The following PRKN variants were observed in gnomAD, a reference collection of about 807,000 sequenced individuals.
PRKN encodes parkin RBR E3 ubiquitin protein ligase.
Under a neutral mutation model 59.5 loss-of-function variants are expected in PRKN, and 56 were observed. That is an observed-to-expected ratio of 0.94 (90% CI 0.76 to 1.18). The LOEUF (loss-of-function observed/expected upper bound fraction) is 1.18. Ranked by LOEUF, PRKN falls within the 50% of genes most tolerant of loss-of-function variation. PRKN has a pLI of 0.00. For synonymous variants in PRKN, 250 were observed against 222.1 expected (o/e 1.13, Z -1.12); for missense variants, 657 against 596.4 (o/e 1.10, Z -1.06).
At chr6:162,449,194 G>A (rs180865338) in intron 1 of PRKN, among the ~76,000 whole-genome samples, 191 of 152,172 alleles carry the variant, frequency 1.3e-3, no homozygotes, top group Middle Eastern at 0.01. Context: ...GCCCTCACTG[G>A]AACTTCAGAT....
intron 5 of PRKN, among the ~76,000 whole-genome samples, chr6:162,005,243 G>A (rs1489679290): frequency 1.3e-5 from 2 of 152,170 alleles, no homozygotes; most frequent in African/African-American, 4.8e-5. Context: ...AGTTTGGTGT[G>A]CATTTGACTC....
chr6:162,127,211 A>G (rs1412724064), intron 4 of PRKN, among the ~76,000 whole-genome samples: 3 of 152,234 alleles, frequency 2.0e-5, no homozygotes, highest in Non-Finnish European at 4.4e-5. Flanking sequence ...TGCAAAGGCA[A>G]GGCACGCTGC....
At chr6:161,968,912 C>T (rs1042300695) in intron 6 of PRKN, among the ~76,000 whole-genome samples, 8 of 152,160 alleles carry the variant, frequency 5.3e-5, no homozygotes, top group Non-Finnish European at 8.8e-5. Flanking sequence ...GTTTTGTAGA[C>T]TTTTTGTATA....
intron 6 of PRKN, among the ~76,000 whole-genome samples, chr6:161,813,688 T>A (rs1791654245): frequency 6.6e-6 from 1 of 152,202 alleles, no homozygotes; most frequent in African/African-American, 2.4e-5. Flanking sequence ...CCCTGATCTC[T>A]GGCTGCCAGC....
chr6:161,681,325 T>C (rs1380990434), intron 7 of PRKN, among the ~76,000 whole-genome samples: 3 of 152,324 alleles, frequency 2.0e-5, no homozygotes, highest in East Asian at 1.9e-4. Context: ...CGTATTTTTG[T>C]CAGCAACTAA....
Position 161,849,494 on chromosome 6 carries a change from C to T in PRKN, c.735-63586G>A, listed in dbSNP as rs3798219. On this transcript the variant is annotated intron_variant, in intron 6 of 11. Coordinates refer to ENST00000366898, the MANE Select transcript of PRKN (RefSeq NM_004562.3). ...TTCAACTTCAGTCTTTTGTGTTTGC[C>T]GAAACCCACCCTGGCCTCACATGTT... 1.1e-4 allele frequency among the ~76,000 whole-genome samples: 17 copies of T among 152,050 alleles called. No homozygotes were observed. The East Asian group carries it at 2.5e-3, about 22-fold the overall frequency.
At chr6:162,481,037 T>C (rs980388908) in intron 1 of PRKN, among the ~76,000 whole-genome samples, 10 of 151,802 alleles carry the variant, frequency 6.6e-5, no homozygotes, top group African/African-American at 2.4e-4. Flanking sequence ...TTGGCCAGCT[T>C]GTCCCAAACT....
intron 9 of PRKN, among the ~76,000 whole-genome samples, chr6:161,512,141 G>A (rs930012604): frequency 6.6e-6 from 1 of 152,164 alleles, no homozygotes; most frequent in Non-Finnish European, 1.5e-5. Flanking sequence ...AATGGAAAGA[G>A]GTCTACAAAG....
At chr6:161,733,990 A>C (rs976879630) in intron 7 of PRKN, among the ~76,000 whole-genome samples, 5 of 146,172 alleles carry the variant, frequency 3.4e-5, no homozygotes, top group Non-Finnish European at 7.4e-5. Flanking sequence ...ACACACACAC[A>C]CACACACACA....
chr6:161,688,821 C>A (rs1275243937), intron 7 of PRKN, among the ~76,000 whole-genome samples: 3 of 152,106 alleles, frequency 2.0e-5, no homozygotes, highest in Admixed American at 2.0e-4. Context: ...GCAAGGGCAT[C>A]CCAACAGACA....
At chr6:162,498,268 T>C (rs1405308603) in intron 1 of PRKN, among the ~76,000 whole-genome samples, 3 of 151,962 alleles carry the variant, frequency 2.0e-5, no homozygotes, top group Non-Finnish European at 4.4e-5. Flanking sequence ...ACTCTATAAA[T>C]TGTAAGCTCC....
chr6:162,513,069 G>A (rs1371553175), intron 1 of PRKN, among the ~76,000 whole-genome samples: 1 of 152,120 alleles, frequency 6.6e-6, no homozygotes, highest in African/African-American at 2.4e-5. Flanking sequence ...TGAAGATGAA[G>A]AATGCTTCTC....
Position 161,426,749 on chromosome 6 carries a change from C to T in PRKN, c.1084-39872G>A, listed in dbSNP as rs574641910. Reference sequence around the variant, plus strand: ...TTATTTATTTGTTGAGACAGAGTCTCGCTCTGTCACCCAGGCTGGAGTGCA... The same window carrying T: ...TTATTTATTTGTTGAGACAGAGTCTTGCTCTGTCACCCAGGCTGGAGTGCA... On this transcript the variant is annotated intron_variant, in intron 9 of 11. Transcript: ENST00000366898. 7.4e-4 allele frequency among the ~76,000 whole-genome samples: 112 copies of T among 151,690 alleles called. 1 individual carries two copies. Among genetic ancestry groups the T allele is most frequent in the Middle Eastern group, 3.4e-3 (1 of 292 alleles).
intron 2 of PRKN, among the ~76,000 whole-genome samples, chr6:162,307,001 T>A (rs780341650): frequency 5.9e-5 from 9 of 152,318 alleles, no homozygotes; most frequent in Admixed American, 2.0e-4. Flanking sequence ...ATTCAAGATT[T>A]GTATTTTTAA....
At chr6:162,611,140 TA>T (rs1268535932) in intron 1 of PRKN, among the ~76,000 whole-genome samples, 1 of 152,164 alleles carries the variant, frequency 6.6e-6, no homozygotes, top group African/African-American at 2.4e-5. Flanking sequence ...CTTAAGTAAA[TA>T]AATATTAAAG....
At chr6:162,159,636 C>A (rs1782672981) in intron 4 of PRKN, among the ~76,000 whole-genome samples, 3 of 152,056 alleles carry the variant, frequency 2.0e-5, no homozygotes, top group Non-Finnish European at 4.4e-5. Context: ...TAAAAAGGAC[C>A]TAAACTAGCC....
intron 7 of PRKN, among the ~76,000 whole-genome samples, chr6:161,725,683 C>T (rs1023095568): frequency 1.3e-5 from 2 of 152,254 alleles, no homozygotes; most frequent in East Asian, 1.9e-4. Flanking sequence ...TACCTGGAGC[C>T]CTGAGCCCCA....
intron 1 of PRKN, among the ~76,000 whole-genome samples, chr6:162,665,151 C>T (rs552224293): frequency 6.6e-6 from 1 of 152,072 alleles, no homozygotes; most frequent in Admixed American, 6.6e-5. Context: ...CTCACCACTC[C>T]TATTCAACAT....
Position 162,209,695 on chromosome 6 carries a change from T to C in PRKN, c.413-8443A>G, listed in dbSNP as rs187360393. On this transcript the variant is annotated intron_variant, in intron 3 of 11. Coordinates refer to ENST00000366898, the MANE Select transcript of PRKN (RefSeq NM_004562.3). Reference sequence around the variant, plus strand: ...CAGTACTATTCACACTAGCAAAGACTTGGAACCAACCCAAATATCCATCAA... The same window carrying C: ...CAGTACTATTCACACTAGCAAAGACCTGGAACCAACCCAAATATCCATCAA... 3.3e-5 allele frequency among the ~76,000 whole-genome samples: 5 copies of C among 152,288 alleles called. No individual in the cohort carries two copies. The East Asian group carries it at 9.7e-4, about 29-fold the overall frequency.
Sources: gnomAD v4.1 joint callset for allele counts (sites outside exome capture counted in the v4.1 genomes callset) on GRCh38, gnomAD v4.1.1 for gene constraint, MANE v1.5 for transcripts, NCBI Gene and HGNC (gene_info 2026-07-23, HGNC 2026-07-21) for gene names.